Variants in POLG2 observed in about 807,000 individuals in gnomAD.
POLG2 encodes DNA polymerase gamma 2, accessory subunit.
A neutral mutation model predicts 56.5 loss-of-function variants in POLG2; 50 were observed. That is an observed-to-expected ratio of 0.88 (90% confidence interval 0.71 to 1.12). The LOEUF (loss-of-function observed/expected upper bound fraction) is 1.12. Ranked by LOEUF, POLG2 falls within the 50% of genes most tolerant of loss-of-function variation. The probability of loss-of-function intolerance (pLI) is 0.00; values close to 1 mark genes in which losing one functional copy is unlikely to be tolerated. For synonymous variants in POLG2, 226 were observed against 222.6 expected (o/e 1.02, Z -0.14); for missense variants, 584 against 583.3 (o/e 1.00, Z -0.01).
At chr17:64,495,127 G>A (rs1555669243) in intron 1 of POLG2, among the ~76,000 whole-genome samples, 2 of 146,308 alleles carry the variant, frequency 1.4e-5, no homozygotes, top group African/African-American at 5.1e-5. Context: ...GCAGTGAGCC[G>A]AGATTGTGCC....
intron 7 of POLG2, among the ~76,000 whole-genome samples, chr17:64,479,316 T>C (rs2037819549): frequency 6.6e-6 from 1 of 151,564 alleles, no homozygotes; most frequent in South Asian, 2.1e-4. Context: ...CCCAAGTAGC[T>C]AGGACTACAG....
At chr17:64,490,768 A>G (rs2038044270) in intron 4 of POLG2, 28 bp downstream of exon 4, 2 of 1,581,540 alleles carry the variant, frequency 1.3e-6, no homozygotes, top group Middle Eastern at 1.7e-4. Context: ...TGGGTAAAAA[A>G]TACATAGGAG....
Position 64,496,901 on chromosome 17 carries a change from C to T in POLG2, c.68G>A (p.Gly23Asp), listed in dbSNP as rs782625172. 2.5e-6 allele frequency: 4 copies of T among 1,613,000 alleles called. No homozygotes were observed. The highest frequency in any genetic ancestry group is 2.2e-5 in the East Asian group (1 of 44,880). ...CTCCGGCTGCCCCGCATCTACTCGA[C>T]CCCCAAACCCAGACAACAGGCACCT... ...VCRCLLSGFG[G>D]RVDAGQPELL... The change falls in exon 1 of 8, where the codon GGT (glycine) becomes GAT (aspartate). Residue 23 changes from glycine (G) to aspartate (D), a missense_variant. Coordinates refer to ENST00000539111, the MANE Select transcript of POLG2 (RefSeq NM_007215.4).
rs1260812995 is a variant in POLG2, at chr17:64,490,905, T to C, written c.860A>G (p.Asn287Ser). ...DCQDEEGRKG[N>S]KLYYNFPWGK... Reference sequence around the variant, plus strand: ...CCAGGGAAAATTGTAGTAAAGTTTGTTTCCTTTCCGGCCTTCTTCATCCTG... The same window carrying C: ...CCAGGGAAAATTGTAGTAAAGTTTGCTTCCTTTCCGGCCTTCTTCATCCTG... The change falls in exon 4 of 8, where the codon AAC (asparagine) becomes AGC (serine). Residue 287 changes from asparagine (N) to serine (S), a missense_variant. Transcript: ENST00000539111. 1.9e-6 allele frequency: 3 copies of C among 1,613,902 alleles called. No individual in the cohort carries two copies. The highest frequency in any genetic ancestry group is 1.7e-6 in the Non-Finnish European group (2 of 1,179,860).
chr17:64,487,386 G>GCTC, intron 4 of POLG2: 3 of 152,290 alleles, frequency 2.0e-5, no homozygotes, highest in Middle Eastern at 6.8e-3. Flanking sequence ...GGCCATGGTG[G>GCTC]ACGAATCACT....
chr17:64,492,525 T>G, intron 3 of POLG2, 142 bp downstream of exon 3: 1 of 634,666 alleles, frequency 1.6e-6, no homozygotes, highest in Non-Finnish European at 2.8e-6. Flanking sequence ...ATGAAAATTG[T>G]TACAAAGAGT....
intron 1 of POLG2, among the ~76,000 whole-genome samples, chr17:64,493,627 G>A (rs2038101818): frequency 6.6e-6 from 1 of 151,966 alleles, no homozygotes; most frequent in Non-Finnish European, 1.5e-5. Context: ...TGGGACTACA[G>A]GCGCCCGCCA....
At chr17:64,492,827 T>A in intron 2 of POLG2, 55 bp from the exon 3 acceptor site, 2 of 1,602,630 alleles carry the variant, frequency 1.2e-6, no homozygotes, top group Admixed American at 3.3e-5. Context: ...ATATAATTTA[T>A]CCCAAGTGGA....
chr17:64,486,200 C>A (rs1281765578), intron 4 of POLG2, among the ~76,000 whole-genome samples: 5 of 152,084 alleles, frequency 3.3e-5, no homozygotes, highest in Non-Finnish European at 7.4e-5. Flanking sequence ...TCAGCGAGGC[C>A]CAAATGTGAA....
rs1270818741 is a variant in POLG2, at chr17:64,486,031, C to T, written c.970-163G>A. ...TCCCAGGTTCAAGTGATTCTCCTGCCTCAGCCTCCTGAGTACATATTTTAG... is the reference window on the plus strand; with the variant it reads ...TCCCAGGTTCAAGTGATTCTCCTGCTTCAGCCTCCTGAGTACATATTTTAG... On this transcript the variant is annotated intron_variant, in intron 4 of 7. Coordinates refer to ENST00000539111, the MANE Select transcript of POLG2 (RefSeq NM_007215.4). Among the ~76,000 whole-genome samples the T allele has an allele frequency of 3.9e-5, 6 of 152,220 alleles. No homozygotes were observed. The South Asian group carries it at 1.2e-3, about 32-fold the overall frequency.
At chr17:64,495,678 C>T (rs1471665168) in intron 1 of POLG2, among the ~76,000 whole-genome samples, 1 of 152,128 alleles carries the variant, frequency 6.6e-6, no homozygotes, top group East Asian at 1.9e-4. Flanking sequence ...CAATGAATAT[C>T]TTGGTTCCTA....
intron 5 of POLG2, chr17:64,483,848 C>T (rs1416673276): frequency 6.6e-6 from 1 of 152,336 alleles, no homozygotes; most frequent in African/African-American, 2.4e-5. Context: ...GTAGCAGGGA[C>T]TACAGGTGCA....
In POLG2 at chr17:64,487,887, T is replaced by C. The variant is rs186355581; in HGVS notation, c.970-2019A>G. Reference sequence around the variant, plus strand: ...TTATTGTTTTCTAATTTTTTGAAAATTGGATATCCAACAATGTCAGGATAT... The same window carrying C: ...TTATTGTTTTCTAATTTTTTGAAAACTGGATATCCAACAATGTCAGGATAT... On this transcript the variant is annotated intron_variant, in intron 4 of 7. Transcript: ENST00000539111. 1.8e-3 allele frequency among the ~76,000 whole-genome samples: 267 copies of C among 152,184 alleles called. 1 individual carries two copies. Among genetic ancestry groups the C allele is most frequent in the African/African-American group, 6.3e-3 (260 of 41,530 alleles).
chr17:64,484,496 G>A (rs1243419207), intron 5 of POLG2, among the ~76,000 whole-genome samples: 2 of 152,164 alleles, frequency 1.3e-5, no homozygotes, highest in Non-Finnish European at 2.9e-5. Context: ...AGCTTTCCTG[G>A]AGTGTTCTGA....
At position 64,477,846 on chromosome 17, in the gene POLG2, T is replaced by C. The variant is rs782133192; in HGVS notation, c.1435A>G (p.Ile479Val). The C allele has an allele frequency of 1.2e-6, 2 of 1,606,324 alleles. No individual in the cohort carries two copies. Among genetic ancestry groups the C allele is most frequent in the South Asian group, 1.1e-5 (1 of 89,714 alleles). The change falls in exon 8 of 8, where the codon ATA (isoleucine) becomes GTA (valine). Residue 479 changes from isoleucine (I) to valine (V), a missense_variant. Transcript: ENST00000539111. ...SKLKDFLIKY[I>V]SSAKNV is the part of the protein sequence containing the mutation. Reference sequence around the variant, plus strand: ...ATCTATACATTCTTAGCTGATGATATATACTTAATCAAAAAGTCTTTTAAT... The same window carrying C: ...ATCTATACATTCTTAGCTGATGATACATACTTAATCAAAAAGTCTTTTAAT...
chr17:64,496,822 C>T lies in POLG2; in HGVS notation c.147G>A (p.Glu49=). The T allele has an allele frequency of 1.2e-6, 2 of 1,613,862 alleles. No individual in the cohort carries two copies. The highest frequency in any genetic ancestry group is 2.7e-5 in the African/African-American group (2 of 75,038). Residue 49 remains glutamate (E), a synonymous_variant, in exon 1 of 8, where the codon GAG becomes GAA. Coordinates refer to ENST00000539111, the MANE Select transcript of POLG2 (RefSeq NM_007215.4). The part of the protein sequence containing the change: ...PKGGHVKSHA[E]LEGNGEHPEA... ...CTGGGTGCTCGCCGTTCCCCTCGAG[C>T]TCCGCGTGCGACTTCACATGCCCTC...
In POLG2 at chr17:64,480,335, C is replaced by T; in HGVS notation, c.1246G>A (p.Gly416Ser). The change falls in exon 7 of 8, where the codon GGT becomes AGT. Residue 416 changes from glycine to serine, a missense_variant. Coordinates refer to ENST00000539111, the MANE Select transcript of POLG2 (RefSeq NM_007215.4). ...LLENGISVWPGYLETMQSSLE... is the reference protein window; with the variant it reads ...LLENGISVWPSYLETMQSSLE... ...GAGGACTGCATAGTTTCCAAATAAC[C>T]AGGCCACACAGAAATCCCATTTTCT... The T allele has an allele frequency of 6.2e-7, 1 of 1,601,568 alleles. No individual in the cohort carries two copies. Among genetic ancestry groups the T allele is most frequent in the East Asian group, 2.2e-5 (1 of 44,556 alleles).
rs1481770126 is a variant in POLG2, at chr17:64,496,933, C to T, written c.36G>A (p.Lys12=). ...ACCCAGACAACAGGCACCTGCAGAC[C>T]TTATGGCAGGCCCTGACGGCTACAC... is the stretch of plus-strand genomic sequence containing the variant. ...RSRVAVRACH[K]VCRCLLSGFG... is the part of the protein sequence containing the mutation. The change falls in exon 1 of 8, where the codon AAG becomes AAA. Residue 12 remains lysine, a synonymous_variant. Transcript: ENST00000539111. 3.7e-6 allele frequency: 6 copies of T among 1,610,882 alleles called. No homozygotes were observed. The East Asian group carries it at 1.1e-4, about 30-fold the overall frequency.
chr17:64,478,048 C>G, intron 7 of POLG2, 60 bp from the exon 8 acceptor site: 2 of 1,561,216 alleles, frequency 1.3e-6, no homozygotes, highest in Admixed American at 3.3e-5. Context: ...AATTCCTCCA[C>G]GTTGCCAGCT....
Sources: allele counts gnomAD v4.1 joint callset (sites outside exome capture counted in the v4.1 genomes callset), GRCh38; gene constraint gnomAD v4.1.1; transcripts MANE v1.5; gene names NCBI Gene and HGNC (gene_info 2026-07-23, HGNC 2026-07-21).